Variants in TOM1L2 observed in about 807,000 individuals in gnomAD.
TOM1L2 encodes the protein TOM1-like protein 2.
A neutral mutation model predicts 67.9 loss-of-function variants in TOM1L2; 31 were observed. That is an observed-to-expected ratio of 0.46 (90% CI 0.34 to 0.62). The LOEUF is 0.62. TOM1L2 is among the 20% of genes least tolerant of loss of function. The pLI is 0.01. For missense variants in TOM1L2, 606 were observed against 663.5 expected (o/e 0.91, Z 0.95); for synonymous variants, 256 against 254.0 (o/e 1.01, Z -0.07).
chr17:17,946,882 G>A (rs2040974646), intron 1 of TOM1L2, among the ~76,000 whole-genome samples: 1 of 152,074 alleles, frequency 6.6e-6, no homozygotes, highest in East Asian at 1.9e-4. Flanking sequence ...GTGCCACCAC[G>A]CCTGGCTAAT....
intron 1 of TOM1L2, among the ~76,000 whole-genome samples, chr17:17,943,209 G>A (rs1257730925): frequency 2.0e-5 from 3 of 152,158 alleles, no homozygotes; most frequent in Admixed American, 6.5e-5. Context: ...GCAGAAGCAG[G>A]TCTCAAACTG....
chr17:17,881,722 G>C (rs746562460), intron 6 of TOM1L2, among the ~76,000 whole-genome samples: 5 of 152,180 alleles, frequency 3.3e-5, no homozygotes, highest in Non-Finnish European at 7.3e-5. Context: ...GTGAGCAGCA[G>C]AGCTGGGGGC....
chr17:17,856,412 G>C (rs896540905), intron 12 of TOM1L2, among the ~76,000 whole-genome samples: 1 of 152,282 alleles, frequency 6.6e-6, no homozygotes, highest in Non-Finnish European at 1.5e-5. Flanking sequence ...TGCCCAGGCT[G>C]ACAGCAGAGC....
chr17:17,912,756 GA>G (rs1036852676), intron 1 of TOM1L2, among the ~76,000 whole-genome samples: 3 of 152,044 alleles, frequency 2.0e-5, no homozygotes, highest in African/African-American at 7.2e-5. Context: ...CGGCCAGGCA[GA>G]GACGCTCCTC....
chr17:17,924,357 T>A (rs939738478), intron 1 of TOM1L2, among the ~76,000 whole-genome samples: 1 of 152,166 alleles, frequency 6.6e-6, no homozygotes, highest in Admixed American at 6.5e-5. Context: ...GTGAATACAA[T>A]GTTTTTTAAA....
intron 3 of TOM1L2, 51 bp from the exon 4 acceptor site, chr17:17,893,861 A>T: frequency 6.3e-7 from 1 of 1,576,894 alleles, no homozygotes; most frequent in Non-Finnish European, 8.6e-7. Flanking sequence ...GCTGGAGAAG[A>T]CACTGGGAAC....
chr17:17,869,239 T>A, intron 8 of TOM1L2, 101 bp downstream of exon 8: 1 of 1,558,542 alleles, frequency 6.4e-7, no homozygotes, highest in Non-Finnish European at 8.6e-7. Flanking sequence ...CTCTAATCTC[T>A]CTCCCTCTCC....
chr17:17,912,278 G>C (rs1455578869), intron 1 of TOM1L2, among the ~76,000 whole-genome samples: 1 of 150,164 alleles, frequency 6.7e-6, no homozygotes, highest in African/African-American at 2.5e-5. Context: ...CTGGCCGGGC[G>C]GGGGGCTGAC....
intron 9 of TOM1L2, among the ~76,000 whole-genome samples, chr17:17,866,639 G>A (rs1423576563): frequency 6.6e-6 from 1 of 152,244 alleles, no homozygotes; most frequent in Non-Finnish European, 1.5e-5. Flanking sequence ...ACTAGAAGGA[G>A]GGGTTGCTGA....
chr17:17,879,793 T>G, intron 6 of TOM1L2, 50 bp from the exon 7 acceptor site: 1 of 1,420,992 alleles, frequency 7.0e-7, no homozygotes, highest in Non-Finnish European at 1.0e-6. Context: ...TCAGTCAGCC[T>G]GCACTTGCAA....
intron 1 of TOM1L2, among the ~76,000 whole-genome samples, chr17:17,949,248 G>A (rs949036019): frequency 6.6e-6 from 1 of 152,198 alleles, no homozygotes; most frequent in Non-Finnish European, 1.5e-5. Flanking sequence ...GGGAACAGCA[G>A]TGTGGAACTC....
rs766985318 is a variant in TOM1L2 at position 17,866,931 on chromosome 17, G to A, written c.912-7C>T. On this transcript the variant is annotated splice_polypyrimidine_tract_variant and splice_region_variant and intron_variant, in intron 8 of 14. Coordinates refer to ENST00000379504, the MANE Select transcript of TOM1L2 (RefSeq NM_001082968.2). ...AGACCTGTATCGTTCGAACCTAACAGGGGAAGGGAAAGCAGAAGTAAGGAG... is the reference window on the plus strand; with the variant it reads ...AGACCTGTATCGTTCGAACCTAACAAGGGAAGGGAAAGCAGAAGTAAGGAG... The A allele has an allele frequency of 1.2e-6, 2 of 1,613,862 alleles. No individual in the cohort carries two copies. Among genetic ancestry groups the A allele is most frequent in the Non-Finnish European group, 1.7e-6 (2 of 1,179,918 alleles).
chr17:17,882,948 TC>T, intron 5 of TOM1L2, 85 bp from the exon 6 acceptor site: 1 of 1,521,942 alleles, frequency 6.6e-7, no homozygotes, highest in South Asian at 1.2e-5. Flanking sequence ...ATGCAGCACT[TC>T]CCCAAGGCTG....
At chr17:17,909,968 G>A (rs2039271920) in intron 1 of TOM1L2, among the ~76,000 whole-genome samples, 1 of 152,200 alleles carries the variant, frequency 6.6e-6, no homozygotes, top group Non-Finnish European at 1.5e-5. Context: ...GTTTGAGGCT[G>A]CAGTGAGATA....
intron 4 of TOM1L2, among the ~76,000 whole-genome samples, chr17:17,887,031 A>G (rs954078302): frequency 6.6e-6 from 1 of 152,220 alleles, no homozygotes; most frequent in Non-Finnish European, 1.5e-5. Context: ...GAGTGCTCGG[A>G]GGTGCAGGCG....
chr17:17,884,756 C>T lies in TOM1L2; in HGVS notation c.379G>A (p.Ala127Thr), dbSNP rs779521366. ...VLALIQAWADAFRSSPDLTGV... is the reference protein window; with the variant it reads ...VLALIQAWADTFRSSPDLTGV... ...GTGAGATCAGGACTGCTTCGAAAGG[C>T]ATCAGCCCATGCCTGGGATAATAGA... The change falls in exon 5 of 15, where the codon GCC becomes ACC. Residue 127 changes from alanine (A) to threonine (T), a missense_variant. Physicochemically the swap from Ala to Thr is moderately conservative, Grantham distance 58. Coordinates refer to ENST00000379504, the MANE Select transcript of TOM1L2 (RefSeq NM_001082968.2). 1.1e-5 allele frequency: 18 copies of T among 1,613,398 alleles called. No homozygotes were observed. The highest frequency in any genetic ancestry group is 1.4e-5 in the Non-Finnish European group (17 of 1,180,034).
chr17:17,964,577 G>A (rs1248461800), intron 1 of TOM1L2, among the ~76,000 whole-genome samples: 5 of 151,816 alleles, frequency 3.3e-5, no homozygotes, highest in South Asian at 2.1e-4. Flanking sequence ...ATTTTCTATC[G>A]GTTATACATC....
chr17:17,928,692 C>G (rs558071129), intron 1 of TOM1L2, among the ~76,000 whole-genome samples: 17 of 152,190 alleles, frequency 1.1e-4, no homozygotes, highest in Non-Finnish European at 2.5e-4. Context: ...TCCTCATGGA[C>G]CTGCCTTCCC....
chr17:17,921,655 C>T (rs1380583074), intron 1 of TOM1L2, among the ~76,000 whole-genome samples: 1 of 140,392 alleles, frequency 7.1e-6, no homozygotes, highest in Non-Finnish European at 1.5e-5. Flanking sequence ...TAATGTCAGA[C>T]AGGTGGGGGT....
Sources: allele counts gnomAD v4.1 joint callset (sites outside exome capture counted in the v4.1 genomes callset), GRCh38; gene constraint gnomAD v4.1.1; transcripts MANE v1.5; gene names NCBI Gene and HGNC (gene_info 2026-07-23, HGNC 2026-07-21).